Variants in ERMP1 observed in about 807,000 individuals in gnomAD.
The protein encoded by ERMP1 is endoplasmic reticulum metallopeptidase 1.
ERMP1 carries 86 observed loss-of-function variants against 92.0 expected under a neutral mutation model. The observed-to-expected ratio is 0.93, with a 90% CI of 0.79 to 1.12. The LOEUF is 1.12. ERMP1 is among the 50% of genes most tolerant of loss of function. The pLI is 0.00. For missense variants in ERMP1, 1,342 were observed against 1,116.3 expected (o/e 1.20, Z -2.88); for synonymous variants, 530 against 412.8 (o/e 1.28, Z -3.44).
At chr9:5,810,751 ACAGTTT>A (rs756210083) in intron 7 of ERMP1, among the ~76,000 whole-genome samples, 8 of 152,342 alleles carry the variant, frequency 5.3e-5, no homozygotes, top group Admixed American at 2.0e-4. Context: ...AATAAAAGAA[ACAGTTT>A]AACCACAAGC....
chr9:5,798,750 T>C (rs1828548632), intron 12 of ERMP1, 56 bp downstream of exon 12: 2 of 1,088,970 alleles, frequency 1.8e-6, no homozygotes, highest in Non-Finnish European at 2.8e-6. Flanking sequence ...AGAGTACTGA[T>C]ATGGTGACAA....
In ERMP1 at chr9:5,786,960, G is replaced by C; in HGVS notation, c.*184C>G. The C allele has an allele frequency of 1.9e-6, 1 of 529,522 alleles. No individual in the cohort carries two copies. Among genetic ancestry groups the C allele is most frequent in the Non-Finnish European group, 3.2e-6 (1 of 310,030 alleles). The allele number at this position is 529,522 out of a possible 1,614,324, so 32.8% of individuals were successfully genotyped here. On this transcript the variant is annotated 3_prime_UTR_variant, in exon 15 of 15. Coordinates refer to ENST00000339450, the MANE Select transcript of ERMP1 (RefSeq NM_024896.3). ...GCATTTTCAAGTGTCAACAGGCCAT[G>C]CATCACTGCGCCACAGCTAAACCCT... is the stretch of plus-strand genomic sequence containing the variant.
At position 5,787,623 on chromosome 9, in the gene ERMP1, A is replaced by C. The variant is rs752341030; in HGVS notation, c.2387-30T>G. 6.9e-6 allele frequency: 11 copies of C among 1,588,972 alleles called. No homozygotes were observed. In the South Asian group the frequency reaches 1.3e-4, roughly 18 times the overall value. ...AAGGTAAAAGGAAGAAAGAACAGTTAATCTTTTTAAAAGGATCAAAAAAAT... is the reference window on the plus strand; with the variant it reads ...AAGGTAAAAGGAAGAAAGAACAGTTCATCTTTTTAAAAGGATCAAAAAAAT... On this transcript the variant is annotated intron_variant, in intron 13 of 14. Coordinates refer to ENST00000339450, the MANE Select transcript of ERMP1 (RefSeq NM_024896.3).
chr9:5,800,751 T>A (rs1306883027), intron 11 of ERMP1, among the ~76,000 whole-genome samples: 1 of 152,226 alleles, frequency 6.6e-6, no homozygotes, highest in Non-Finnish European at 1.5e-5. Context: ...CACTATCACA[T>A]ATCACTTTGA....
chr9:5,788,028 G>C (rs993898550), intron 13 of ERMP1, among the ~76,000 whole-genome samples: 1 of 152,184 alleles, frequency 6.6e-6, no homozygotes, highest in African/African-American at 2.4e-5. Flanking sequence ...TGTTTTACTA[G>C]TTTTTCCCTT....
At chr9:5,799,043 AC>A in intron 11 of ERMP1, 35 bp from the exon 12 acceptor site, 1 of 1,504,918 alleles carries the variant, frequency 6.6e-7, no homozygotes, top group Non-Finnish European at 9.2e-7. Flanking sequence ...AACTGTTTCA[AC>A]TAGTACACCC....
intron 13 of ERMP1, among the ~76,000 whole-genome samples, chr9:5,795,634 C>T (rs1828392857): frequency 6.6e-6 from 1 of 151,938 alleles, no homozygotes; most frequent in Non-Finnish European, 1.5e-5. Flanking sequence ...AAAAATTAGC[C>T]AGGTGTGGTG....
At chr9:5,837,664 TTC>T (rs1389130679), upstream of ERMP1, among the ~76,000 whole-genome samples, 1 of 152,184 alleles carries the variant, frequency 6.6e-6, no homozygotes, top group Non-Finnish European at 1.5e-5. Context: ...TTCTCACTCT[TTC>T]TGTTCGTGTG....
chr9:5,808,684 G>C (rs138889092), intron 8 of ERMP1, among the ~76,000 whole-genome samples: 2 of 152,252 alleles, frequency 1.3e-5, no homozygotes, highest in Non-Finnish European at 2.9e-5. Flanking sequence ...CTGAAACCAT[G>C]ACTCTTCACT....
intron 5 of ERMP1, among the ~76,000 whole-genome samples, chr9:5,864,546 C>T (rs191453989): frequency 4.6e-5 from 7 of 152,190 alleles, no homozygotes; most frequent in Non-Finnish European, 1.0e-4. Flanking sequence ...GGGTATTTGA[C>T]CCTTCTAAAA....
At chr9:5,832,361 G>A (rs1231681606) in intron 1 of ERMP1, 2 of 306,346 alleles carry the variant, frequency 6.5e-6, no homozygotes, top group Non-Finnish European at 1.2e-5. Flanking sequence ...GCTAAGCAAG[G>A]TAAAAAGGGG....
intron 6 of ERMP1, among the ~76,000 whole-genome samples, chr9:5,838,307 C>A (rs868857026): frequency 7.2e-5 from 11 of 151,892 alleles, no homozygotes; most frequent in Admixed American, 2.6e-4. Context: ...TTCGGAAGGT[C>A]GAGGGGGGTG....
At chr9:5,812,846 T>C (rs766169223) in intron 5 of ERMP1, 43 bp downstream of exon 5, 4 of 1,611,564 alleles carry the variant, frequency 2.5e-6, no homozygotes, top group East Asian at 2.2e-5. Context: ...TTGCTTTTGA[T>C]AAATAAATGC....
rs1563758446 is a variant in ERMP1, at chr9:5,810,187, A to C, written c.1372T>G (p.Leu458Val). The C allele has an allele frequency of 6.2e-7, 1 of 1,614,068 alleles. No homozygotes were observed. The stretch of plus-strand genomic sequence containing the variant: ...ACAAGGCTAGTGAACCAGCTGATCA[A>C]AGTGATGCCAAGTCCACACAAGAAG... ...KDFLCGLGIT[L>V]ISWFTSLVTV... is the part of the protein sequence containing the mutation. The change falls in exon 8 of 15, where the codon TTG becomes GTG. Residue 458 changes from leucine to valine, a missense_variant. Leu to Val is a conservative substitution (Grantham distance 32). Transcript: ENST00000339450.
At chr9:5,839,994 C>A (rs1830141734) in intron 6 of ERMP1, among the ~76,000 whole-genome samples, 2 of 152,162 alleles carry the variant, frequency 1.3e-5, no homozygotes, top group African/African-American at 4.8e-5. Flanking sequence ...GTAATCTCAG[C>A]ACTTTGGGAG....
chr9:5,785,009 A>G lies in ERMP1; in HGVS notation c.*2135T>C, dbSNP rs1344962378. On this transcript the variant is annotated 3_prime_UTR_variant, in exon 15 of 15. Coordinates refer to ENST00000339450, the MANE Select transcript of ERMP1 (RefSeq NM_024896.3). Reference sequence around the variant, plus strand: ...TCTACTAATGTGACAGACAAACGGTATGCTTAACAGAGTCATAAATACTGT... The same window carrying G: ...TCTACTAATGTGACAGACAAACGGTGTGCTTAACAGAGTCATAAATACTGT... 1 of 152,202 alleles carries G rather than the reference A, an allele frequency of 6.6e-6. No individual in the cohort carries two copies. Among genetic ancestry groups the G allele is most frequent in the Non-Finnish European group, 1.5e-5 (1 of 68,030 alleles). The allele number at this position is 152,202 out of a possible 1,614,324, so 9.4% of individuals were successfully genotyped here.
At chr9:5,837,329 A>G (rs1211907178), upstream of ERMP1, among the ~76,000 whole-genome samples, 1 of 152,096 alleles carries the variant, frequency 6.6e-6, no homozygotes, top group Non-Finnish European at 1.5e-5. Flanking sequence ...CTCATACCAT[A>G]TTACACACAC....
Position 5,832,998 on chromosome 9 carries a change from C to G in ERMP1, c.30G>C (p.Val10=), listed in dbSNP as rs574971511. The G allele has an allele frequency of 1.1e-4, 179 of 1,558,392 alleles. No individual in the cohort carries two copies. Among genetic ancestry groups the G allele is most frequent in the Admixed American group, 4.7e-4 (26 of 55,542 alleles). Reference sequence around the variant, plus strand: ...GCTCTACTCCGACGCGGTGCCGCCTCACAGCAGCCGACTCAGAACCCCACT... The same window carrying G: ...GCTCTACTCCGACGCGGTGCCGCCTGACAGCAGCCGACTCAGAACCCCACT... MEWGSESAA[V]RRHRVGVERR... Residue 10 remains valine (V), a synonymous_variant, in exon 1 of 15, where the codon GTG becomes GTC. Coordinates refer to ENST00000339450, the MANE Select transcript of ERMP1 (RefSeq NM_024896.3).
chr9:5,818,591 T>G (rs1282531408), intron 4 of ERMP1, among the ~76,000 whole-genome samples: 3 of 151,810 alleles, frequency 2.0e-5, no homozygotes, highest in African/African-American at 7.3e-5. Flanking sequence ...GGCACGTGCC[T>G]GTCATCCCAG....
Sources: allele counts gnomAD v4.1 joint callset (sites outside exome capture counted in the v4.1 genomes callset), GRCh38; gene constraint gnomAD v4.1.1; transcripts MANE v1.5; gene names NCBI Gene and HGNC (gene_info 2026-07-23, HGNC 2026-07-21).